The following PDE6A variants were observed in gnomAD, a reference collection of about 807,000 sequenced individuals.
The protein encoded by PDE6A is rod cGMP-specific 3',5'-cyclic phosphodiesterase subunit alpha.
Under a neutral mutation model 106.3 loss-of-function variants are expected in PDE6A, and 84 were observed. The ratio of observed to expected loss-of-function variants is 0.79; its 90% CI spans 0.66 to 0.95. The LOEUF is 0.95. Ranked by LOEUF, PDE6A falls within the 40% of genes least tolerant of loss-of-function variation. PDE6A has a pLI of 0.00. For synonymous variants in PDE6A, 394 were observed against 386.6 expected (o/e 1.02, Z -0.23); for missense variants, 1,052 against 1,084.9 (o/e 0.97, Z 0.43).
At chr5:149,929,489 C>T (rs1313662774) in intron 4 of PDE6A, among the ~76,000 whole-genome samples, 1 of 152,032 alleles carries the variant, frequency 6.6e-6, no homozygotes, top group Non-Finnish European at 1.5e-5. Context: ...CGCCTGTAGT[C>T]CCAGCTACTC....
chr5:149,868,277 G>GCCCTTTCCTCACAATGA, intron 17 of PDE6A, 119 bp from the exon 18 acceptor site: 1 of 975,380 alleles, frequency 1.0e-6, no homozygotes, highest in Non-Finnish European at 1.6e-6. Context: ...CTCATTGTGA[G>GCCCTTTCCTCACAATGA]GAAAGGGCTC....
At chr5:149,865,503 G>A (rs116531108) in intron 20 of PDE6A, among the ~76,000 whole-genome samples, 241 of 152,168 alleles carry the variant, frequency 1.6e-3, no homozygotes, top group African/African-American at 5.3e-3. Context: ...ACTGTGTCCC[G>A]TGGGTCAGAG....
intron 4 of PDE6A, among the ~76,000 whole-genome samples, chr5:149,926,979 CAAAA>C (rs539891462): frequency 1.4e-4 from 10 of 70,464 alleles, no homozygotes; most frequent in African/African-American, 4.7e-4. Context: ...ACTCCGTCTC[CAAAA>C]AAAAAAAAAA....
chr5:149,895,442 C>T, intron 12 of PDE6A, 152 bp from the exon 13 acceptor site: 1 of 694,132 alleles, frequency 1.4e-6, no homozygotes, highest in Non-Finnish European at 2.7e-6. Context: ...GAGGTGAGAG[C>T]TTGTACTAGA....
chr5:149,891,749 G>A (rs1370170071), intron 13 of PDE6A, among the ~76,000 whole-genome samples: 2 of 151,798 alleles, frequency 1.3e-5, no homozygotes, highest in Non-Finnish European at 2.9e-5. Flanking sequence ...GCTACAGTGA[G>A]CCATAATGAC....
intron 5 of PDE6A, among the ~76,000 whole-genome samples, chr5:149,920,564 G>C (rs1753675775): frequency 6.6e-6 from 1 of 152,132 alleles, no homozygotes; most frequent in South Asian, 2.1e-4. Flanking sequence ...TGGGTGACAA[G>C]AGCAAAACTC....
intron 4 of PDE6A, among the ~76,000 whole-genome samples, chr5:149,929,617 T>TAAATAAAA (rs139316734): frequency 7.2e-6 from 1 of 138,918 alleles, no homozygotes; most frequent in African/African-American, 3.2e-5. Context: ...AAAAAATAAA[T>TAAATAAAA]AAATAAATAA....
At chr5:149,875,583 G>A (rs1005294282) in intron 17 of PDE6A, among the ~76,000 whole-genome samples, 22 of 150,232 alleles carry the variant, frequency 1.5e-4, no homozygotes, top group African/African-American at 5.4e-4. Flanking sequence ...TCAACCTCTC[G>A]GGCTCAAGCA....
chr5:149,899,991 T>C (rs570948738), intron 8 of PDE6A, among the ~76,000 whole-genome samples: 1 of 152,230 alleles, frequency 6.6e-6, no homozygotes, highest in South Asian at 2.1e-4. Flanking sequence ...GGGCCTCAAT[T>C]TTCTCATCTA....
At chr5:149,939,294 C>A (rs1052734841) in intron 1 of PDE6A, among the ~76,000 whole-genome samples, 14 of 152,256 alleles carry the variant, frequency 9.2e-5, no homozygotes, top group Admixed American at 7.8e-4. Context: ...CGTCCCTTAG[C>A]ACAGAGGCTC....
intron 3 of PDE6A, 24 bp downstream of exon 3, chr5:149,933,906 A>C: frequency 6.4e-7 from 1 of 1,559,404 alleles, no homozygotes; most frequent in South Asian, 1.1e-5. Context: ...AGTCAAGTCC[A>C]TTCCCTTGGC....
At chr5:149,883,687 T>C in intron 16 of PDE6A, 151 bp from the exon 17 acceptor site, 2 of 694,896 alleles carry the variant, frequency 2.9e-6, no homozygotes, top group Non-Finnish European at 5.2e-6. Context: ...AGTGAAGACC[T>C]AGGTTTAACC....
At chr5:149,932,302 C>A (rs1754057932) in intron 3 of PDE6A, 2 of 1,438,420 alleles carry the variant, frequency 1.4e-6, no homozygotes, top group African/African-American at 2.8e-5. Context: ...TTTAGTCGGC[C>A]AACTGCACGG....
In PDE6A at chr5:149,914,943, G is replaced by A. The variant is rs368428076; in HGVS notation, c.998C>T (p.Pro333Leu). ...TTGTCTTTTGACAGGTGAAACTTAC[G>A]GGATGACTTTGATGTCCTCTTTGCC... ...LHGKEDIKVI[P>L]NPPPDHWALV... The change falls in exon 6 of 22, where the codon CCG becomes CTG. Residue 333 changes from proline (P) to leucine (L), a missense_variant and splice_region_variant. Transcript: ENST00000255266. The A allele has an allele frequency of 1.1e-4, 174 of 1,602,008 alleles. No individual in the cohort carries two copies. The highest frequency in any genetic ancestry group is 2.4e-4 in the African/African-American group (18 of 74,626).
rs908591822 is a variant in PDE6A at position 149,939,175 on chromosome 5, A to G, written c.475-4457T>C. Among the ~76,000 whole-genome samples, 21 of 152,330 alleles carry G rather than the reference A, an allele frequency of 1.4e-4. No homozygotes were observed. The East Asian group carries it at 3.9e-3, about 28-fold the overall frequency. On this transcript the variant is annotated intron_variant, in intron 1 of 21. Coordinates refer to ENST00000255266, the MANE Select transcript of PDE6A (RefSeq NM_000440.3). ...ACTGGCCTAGACAGACTTCACCCAC[A>G]GGCCCAAGTCACTGGCCAGGGACAC... is the stretch of plus-strand genomic sequence containing the variant.
chr5:149,914,416 T>C (rs1753488271), intron 6 of PDE6A, among the ~76,000 whole-genome samples: 1 of 152,190 alleles, frequency 6.6e-6, no homozygotes, highest in Non-Finnish European at 1.5e-5. Flanking sequence ...TGAGATGTGT[T>C]AAAATAAAAA....
At position 149,943,402 on chromosome 5, in the gene PDE6A, C is replaced by A. The variant is rs554954966; in HGVS notation, c.474+798G>T. Among the ~76,000 whole-genome samples the A allele has an allele frequency of 2.0e-5, 3 of 152,282 alleles. No individual in the cohort carries two copies. The South Asian group carries it at 6.2e-4, about 32-fold the overall frequency. On this transcript the variant is annotated intron_variant, in intron 1 of 21. Coordinates refer to ENST00000255266, the MANE Select transcript of PDE6A (RefSeq NM_000440.3). ...CTTAGTACAGAACAAAATGGAGTTTCTTATGTCTTTTTCTTTCTACATAGA... is the reference window on the plus strand; with the variant it reads ...CTTAGTACAGAACAAAATGGAGTTTATTATGTCTTTTTCTTTCTACATAGA...
intron 16 of PDE6A, among the ~76,000 whole-genome samples, chr5:149,884,102 G>A (rs2113551029): frequency 1.3e-5 from 2 of 151,076 alleles, no homozygotes; most frequent in Middle Eastern, 3.5e-3. Context: ...GAGGTGGGAG[G>A]ATCCCTTGAG....
At chr5:149,906,519 C>CAA (rs560905491) in intron 7 of PDE6A, among the ~76,000 whole-genome samples, 544 of 54,204 alleles carry the variant, frequency 0.01, 38 homozygotes, top group Admixed American at 0.063. Context: ...GAGACACTGT[C>CAA]AAAAAAAAAA....
Sources: gnomAD v4.1 joint callset for allele counts (sites outside exome capture counted in the v4.1 genomes callset) on GRCh38, gnomAD v4.1.1 for gene constraint, MANE v1.5 for transcripts, NCBI Gene and HGNC (gene_info 2026-07-23, HGNC 2026-07-21) for gene names.